The following KLF6 variants were observed in gnomAD, a reference collection of about 807,000 sequenced individuals.
KLF6 encodes Krueppel-like factor 6.
For missense variants in KLF6, 233 were observed against 359.8 expected, an observed-to-expected ratio of 0.65 and a Z score of 2.85; for synonymous variants, 152 against 147.9, an observed-to-expected ratio of 1.03 and a Z score of -0.20.
rs775881546 is a variant in KLF6, at chr10:3,777,220, A to G, written c.*2319T>C. On this transcript the variant is annotated 3_prime_UTR_variant, in exon 4 of 4. Coordinates refer to ENST00000497571, the MANE Select transcript of KLF6 (RefSeq NM_001300.6). ...AGCCCAGCCAGACTCACATGTGTGT[A>G]TATATATATAAAGCAAAGAGCCACA... The G allele has an allele frequency of 3.9e-6, 2 of 506,832 alleles. No individual in the cohort carries two copies. Among genetic ancestry groups the G allele is most frequent in the South Asian group, 1.6e-5 (1 of 64,328 alleles). The allele number at this position is 506,832 out of a possible 1,614,324, so 31.4% of individuals were successfully genotyped here.
In KLF6 at chr10:3,778,505, A is replaced by G. The variant is rs1198130287; in HGVS notation, c.*1034T>C. On this transcript the variant is annotated 3_prime_UTR_variant, in exon 4 of 4. Transcript: ENST00000497571. ...CTTTGTGACACTCAATACGTGTCCAATTTCTTCTAAGGGCATCACAGAATT... is the reference window on the plus strand; with the variant it reads ...CTTTGTGACACTCAATACGTGTCCAGTTTCTTCTAAGGGCATCACAGAATT... 3.8e-6 allele frequency: 2 copies of G among 524,180 alleles called. No homozygotes were observed. The highest frequency in any genetic ancestry group is 2.2e-5 in the Admixed American group (1 of 44,666). 32.5% of individuals were successfully genotyped at this position (524,180 alleles called of 1,614,324 possible). A position where few individuals can be genotyped will look rare whatever the true frequency, so the allele number is the denominator to read the frequency against.
In KLF6 at chr10:3,780,080, G is replaced by T; in HGVS notation, c.800+26C>A. 6.2e-7 allele frequency: 1 copy of T among 1,613,880 alleles called. No homozygotes were observed. Among genetic ancestry groups the T allele is most frequent in the South Asian group, 1.1e-5 (1 of 91,070 alleles). On this transcript the variant is annotated intron_variant, in intron 3 of 3. Transcript: ENST00000497571. The surrounding 1 kb of genome is among the most constrained non-coding windows in gnomAD (Gnocchi z 4.6). Reference sequence around the variant, plus strand: ...ACATTCCCAAGGCCCCACGCTCCTTGCCCAGCATTGTCCTCAGGCACGTAC... The same window carrying T: ...ACATTCCCAAGGCCCCACGCTCCTTTCCCAGCATTGTCCTCAGGCACGTAC...
chr10:3,781,221 CCA>C lies in KLF6; in HGVS notation c.676+418_676+419del. 2.2e-6 allele frequency: 1 copy of C among 463,880 alleles called. No individual in the cohort carries two copies. The highest frequency in any genetic ancestry group is 3.8e-6 in the Non-Finnish European group (1 of 265,506). 28.7% of individuals were successfully genotyped at this position (463,880 alleles called of 1,614,324 possible). A position where few individuals can be genotyped will look rare whatever the true frequency, so the allele number is the denominator to read the frequency against. On this transcript the variant is annotated intron_variant, in intron 2 of 3. Transcript: ENST00000497571. This position sits in a 1 kb window ranked among gnomAD's most constrained non-coding sequence, Gnocchi z 5.8. ...GGGCCTCGGGCCGTCAGCATCAAAC[CCA>C]CACACTCCACGCTGCCCAGCAACCC...
chr10:3,783,816 G>A (rs929228546), intron 1 of KLF6, among the ~76,000 whole-genome samples: 13 of 152,258 alleles, frequency 8.5e-5, no homozygotes, highest in African/African-American at 2.9e-4. Flanking sequence ...CTCCAAAGGC[G>A]ACCAAGAGCC....
rs747244583 is a variant in KLF6 at position 3,781,804 on chromosome 10, C to A, written c.513G>T (p.Ser171=). Residue 171 remains serine, a synonymous_variant, in exon 2 of 4, where the codon TCG becomes TCT. Coordinates refer to ENST00000497571, the MANE Select transcript of KLF6 (RefSeq NM_001300.6). This position sits in a 1 kb window ranked among gnomAD's most constrained non-coding sequence, Gnocchi z 5.8. The part of the protein sequence containing the change: ...LWGCVPGELP[S]PGKVRSGTSG... ...AAGTCCCGCTGCGCACCTTCCCTGG[C>A]GAGGGCAGCTCCCCGGGCACGCAAC... 1.2e-6 allele frequency: 2 copies of A among 1,614,232 alleles called. No individual in the cohort carries two copies. The highest frequency in any genetic ancestry group is 8.5e-7 in the Non-Finnish European group (1 of 1,180,048).
In KLF6 at chr10:3,777,077, T is replaced by C. The variant is rs1414071520; in HGVS notation, c.*2462A>G. ...TGCCAAAAGAAAACTGCACTTCCCC[T>C]CTTAAGTAAAACGAAATGAGTTTCT... On this transcript the variant is annotated 3_prime_UTR_variant, in exon 4 of 4. Transcript: ENST00000497571. The C allele has an allele frequency of 1.9e-6, 1 of 515,724 alleles. No homozygotes were observed. The highest frequency in any genetic ancestry group is 1.5e-5 in the South Asian group (1 of 65,024). The allele number at this position is 515,724 out of a possible 1,614,324, so 31.9% of individuals were successfully genotyped here.
chr10:3,783,535 C>G (rs565586471), intron 1 of KLF6, among the ~76,000 whole-genome samples: 3 of 152,172 alleles, frequency 2.0e-5, no homozygotes, highest in African/African-American at 7.2e-5. Context: ...CAATCCCTCC[C>G]CCTCCCCAGG....
Position 3,784,976 on chromosome 10 carries a change from G to T in KLF6, c.39C>A (p.Leu13=), listed in dbSNP as rs749991326. The T allele has an allele frequency of 6.2e-7, 1 of 1,608,142 alleles. No homozygotes were observed. Among genetic ancestry groups the T allele is most frequent in the Non-Finnish European group, 8.5e-7 (1 of 1,176,174 alleles). Residue 13 remains leucine, a synonymous_variant, in exon 1 of 4, where the codon CTC becomes CTA. Transcript: ENST00000497571. ...AGTAGCCGGTCTCGTGCACGATCTG[G>T]AGCTCCTGGAAGATGCTGCACATGG... ...VLPMCSIFQE[L]QIVHETGYFS... is the part of the protein sequence containing the mutation.
Position 3,779,379 on chromosome 10 carries a change from G to A in KLF6, c.*160C>T. 1.4e-6 allele frequency: 1 copy of A among 711,128 alleles called. No individual in the cohort carries two copies. 44.1% of individuals were successfully genotyped at this position (711,128 alleles called of 1,614,324 possible). A position where few individuals can be genotyped will look rare whatever the true frequency, so the allele number is the denominator to read the frequency against. On this transcript the variant is annotated 3_prime_UTR_variant, in exon 4 of 4. Transcript: ENST00000497571. ...CACGGGTGCTATGCCGCTTCTTACA[G>A]GACCTTTTTAGCCCTCAAAAGACCT...
At chr10:3,783,712 T>A (rs763773163) in intron 1 of KLF6, among the ~76,000 whole-genome samples, 1 of 152,162 alleles carries the variant, frequency 6.6e-6, no homozygotes. Context: ...TTTATGGAGA[T>A]CTTGTTAAAC....
Position 3,779,140 on chromosome 10 carries a change from C to T in KLF6, c.*399G>A, listed in dbSNP as rs746546340. ...CATCTCATGGTATACTCCTTACACACAAAACATTCAAACTACTTTTTTTCC... is the reference window on the plus strand; with the variant it reads ...CATCTCATGGTATACTCCTTACACATAAAACATTCAAACTACTTTTTTTCC... On this transcript the variant is annotated 3_prime_UTR_variant, in exon 4 of 4. Coordinates refer to ENST00000497571, the MANE Select transcript of KLF6 (RefSeq NM_001300.6). 150 of 539,684 alleles carry T rather than the reference C, an allele frequency of 2.8e-4. No homozygotes were observed. Among genetic ancestry groups the T allele is most frequent in the Non-Finnish European group, 3.3e-4 (92 of 279,972 alleles). 33.4% of individuals were successfully genotyped at this position (539,684 alleles called of 1,614,324 possible).
Position 3,780,309 on chromosome 10 carries a change from G to T in KLF6, c.677-80C>A. The T allele has an allele frequency of 6.4e-7, 1 of 1,567,810 alleles. No individual in the cohort carries two copies. Among genetic ancestry groups the T allele is most frequent in the Non-Finnish European group, 8.7e-7 (1 of 1,147,972 alleles). ...AAGGGGAAATTCAACAACACACACA[G>T]TGGTGGGATGCAAGGCCAGGGACCC... On this transcript the variant is annotated intron_variant, in intron 2 of 3. Coordinates refer to ENST00000497571, the MANE Select transcript of KLF6 (RefSeq NM_001300.6). The surrounding 1 kb of genome is among the most constrained non-coding windows in gnomAD (Gnocchi z 4.6).
rs1832531278 is a variant in KLF6 at position 3,781,857 on chromosome 10, G to C, written c.460C>G (p.Leu154Val). The change falls in exon 2 of 4, where the codon CTG (leucine) becomes GTG (valine). Residue 154 changes from leucine (L) to valine (V), a missense_variant. Physicochemically the swap from Leu to Val is conservative, Grantham distance 32. Coordinates refer to ENST00000497571, the MANE Select transcript of KLF6 (RefSeq NM_001300.6). This position sits in a 1 kb window ranked among gnomAD's most constrained non-coding sequence, Gnocchi z 5.8. ...VTSTPPSSPE[L>V]SREPSQLWGC... ...CACAGTTGAGAAGGTTCCCTGCTCA[G>C]TTCCGGAGAAGATGGAGGCGTGGAG... The C allele has an allele frequency of 6.2e-7, 1 of 1,614,130 alleles. No homozygotes were observed. The highest frequency in any genetic ancestry group is 1.3e-5 in the African/African-American group (1 of 74,934).
In KLF6 at chr10:3,777,141, C is replaced by CAGTT. The variant is rs1462415376; in HGVS notation, c.*2394_*2397dup. On this transcript the variant is annotated 3_prime_UTR_variant, in exon 4 of 4. Transcript: ENST00000497571. ...TCATCAGCCCAGATAAAAAAAAAAC[C>CAGTT]AGTTATGTGAGCGTTAGTCACTGCT... 1 of 511,054 alleles carries CAGTT rather than the reference C, an allele frequency of 2.0e-6. No individual in the cohort carries two copies. Among genetic ancestry groups the CAGTT allele is most frequent in the Non-Finnish European group, 3.8e-6 (1 of 262,190 alleles). The allele number at this position is 511,054 out of a possible 1,614,324, so 31.7% of individuals were successfully genotyped here.
In KLF6 at chr10:3,781,558, GC is replaced by G; in HGVS notation, c.676+82del. On this transcript the variant is annotated intron_variant, in intron 2 of 3. Transcript: ENST00000497571. This position sits in a 1 kb window ranked among gnomAD's most constrained non-coding sequence, Gnocchi z 5.8. ...GTCTGCCCTGACCACATCCTGTGCA[GC>G]CAGGCCCGGCTCCCTCCAGGGCTGG... 1 of 1,577,560 alleles carries G rather than the reference GC, an allele frequency of 6.3e-7. No homozygotes were observed. Among genetic ancestry groups the G allele is most frequent in the Non-Finnish European group, 8.6e-7 (1 of 1,161,786 alleles).
rs1802181167 is a variant in KLF6, at chr10:3,778,156, A to C, written c.*1383T>G. On this transcript the variant is annotated 3_prime_UTR_variant, in exon 4 of 4. Coordinates refer to ENST00000497571, the MANE Select transcript of KLF6 (RefSeq NM_001300.6). Reference sequence around the variant, plus strand: ...GTTTCACTCTATGTCTTTGTGAAGGAGGACCTTAAAGAGATTTTTTTTCTG... The same window carrying C: ...GTTTCACTCTATGTCTTTGTGAAGGCGGACCTTAAAGAGATTTTTTTTCTG... 1.9e-6 allele frequency: 1 copy of C among 520,820 alleles called. No homozygotes were observed. The highest frequency in any genetic ancestry group is 3.7e-6 in the Non-Finnish European group (1 of 267,774). 32.3% of individuals were successfully genotyped at this position (520,820 alleles called of 1,614,324 possible).
In KLF6 at chr10:3,779,380, G is replaced by A; in HGVS notation, c.*159C>T. The A allele has an allele frequency of 1.4e-6, 1 of 711,998 alleles. No individual in the cohort carries two copies. The highest frequency in any genetic ancestry group is 2.6e-6 in the Non-Finnish European group (1 of 391,402). The allele number at this position is 711,998 out of a possible 1,614,324, so 44.1% of individuals were successfully genotyped here. A position where few individuals can be genotyped will look rare whatever the true frequency, so the allele number is the denominator to read the frequency against. On this transcript the variant is annotated 3_prime_UTR_variant, in exon 4 of 4. Coordinates refer to ENST00000497571, the MANE Select transcript of KLF6 (RefSeq NM_001300.6). ...ACGGGTGCTATGCCGCTTCTTACAG[G>A]ACCTTTTTAGCCCTCAAAAGACCTT...
Position 3,777,929 on chromosome 10 carries a change from A to T in KLF6, c.*1610T>A. ...AATACATTAACATTGGGGGTTTTTT[A>T]ATACTTCTGTATCTTTAATATGTGT... is the stretch of plus-strand genomic sequence containing the variant. On this transcript the variant is annotated 3_prime_UTR_variant, in exon 4 of 4. Coordinates refer to ENST00000497571, the MANE Select transcript of KLF6 (RefSeq NM_001300.6). 2 of 470,070 alleles carry T rather than the reference A, an allele frequency of 4.3e-6. No individual in the cohort carries two copies. Among genetic ancestry groups the T allele is most frequent in the South Asian group, 1.6e-5 (1 of 62,308 alleles). The allele number at this position is 470,070 out of a possible 1,614,324, so 29.1% of individuals were successfully genotyped here.
Position 3,781,364 on chromosome 10 carries a change from G to T in KLF6, c.676+277C>A. The T allele has an allele frequency of 4.2e-6, 6 of 1,413,600 alleles. No homozygotes were observed. The South Asian group carries it at 7.1e-5, about 17-fold the overall frequency. 87.6% of individuals were successfully genotyped at this position (1,413,600 alleles called of 1,614,324 possible). A position where few individuals can be genotyped will look rare whatever the true frequency, so the allele number is the denominator to read the frequency against. On this transcript the variant is annotated intron_variant, in intron 2 of 3. Transcript: ENST00000497571. This position sits in a 1 kb window ranked among gnomAD's most constrained non-coding sequence, Gnocchi z 5.8. ...GGATCCCCAGCACTACTAAGGGGTG[G>T]GGGGTGGAGGTTTGGGTGTCCGTGG...
Sources: allele counts gnomAD v4.1 joint callset (sites outside exome capture counted in the v4.1 genomes callset), GRCh38; gene constraint gnomAD v4.1.1; non-coding constraint Gnocchi (gnomAD v3.1); transcripts MANE v1.5; gene names NCBI Gene and HGNC (gene_info 2026-07-23, HGNC 2026-07-21).